CYP4F22: variants seen among roughly 807,000 people sequenced by gnomAD.
CYP4F22 encodes cytochrome P450 family 4 subfamily F member 22.
A neutral mutation model predicts 60.4 loss-of-function variants in CYP4F22; 37 were observed. The ratio of observed to expected loss-of-function variants is 0.61; its 90% CI spans 0.47 to 0.81. The LOEUF is 0.81. Among genes scored for constraint, CYP4F22 ranks in the 30% least tolerant of loss-of-function variants. CYP4F22 has a pLI of 0.00. For synonymous variants in CYP4F22, 258 were observed against 280.5 expected, an observed-to-expected ratio of 0.92 and a Z score of 0.80; for missense variants, 655 against 715.0, an observed-to-expected ratio of 0.92 and a Z score of 0.96.
rs1971447042 is a variant in CYP4F22 at position 15,540,587 on chromosome 19, T to C, written c.809T>C (p.Met270Thr). 3.1e-6 allele frequency: 5 copies of C among 1,614,224 alleles called. No homozygotes were observed. The highest frequency in any genetic ancestry group is 3.4e-6 in the Non-Finnish European group (4 of 1,180,044). ...CGGAGGTTCCGGCAGGCCTGTGACA[T>C]GGTGCACCACTTCACCACTGAAGTC... is the stretch of plus-strand genomic sequence containing the variant. Reference protein sequence around the residue: ...DGRRFRQACDMVHHFTTEVIQ... With the variant: ...DGRRFRQACDTVHHFTTEVIQ... The change falls in exon 8 of 14, where the codon ATG becomes ACG. Residue 270 changes from methionine (M) to threonine (T), a missense_variant. Physicochemically the swap from Met to Thr is moderately conservative, Grantham distance 81. Coordinates refer to ENST00000269703, the MANE Select transcript of CYP4F22 (RefSeq NM_173483.4).
intron 10 of CYP4F22, 89 bp downstream of exon 10, chr19:15,544,368 A>C (rs933138219): frequency 1.3e-5 from 19 of 1,482,716 alleles, no homozygotes; most frequent in South Asian, 3.7e-5. Flanking sequence ...TGATTGTGTG[A>C]CCTCAGACAA....
chr19:15,537,256 G>C, intron 4 of CYP4F22, 105 bp from the exon 5 acceptor site: 2 of 1,436,986 alleles, frequency 1.4e-6, no homozygotes, highest in Non-Finnish European at 1.9e-6. Context: ...AGTGGAGATC[G>C]CACCACTGCA....
At chr19:15,517,028 C>T (rs901241371) in intron 1 of CYP4F22, among the ~76,000 whole-genome samples, 1 of 152,034 alleles carries the variant, frequency 6.6e-6, no homozygotes, top group African/African-American at 2.4e-5. Context: ...GCCATGTTGG[C>T]CAGGCTGGTC....
Position 15,529,721 on chromosome 19 carries a change from G to T in CYP4F22, c.235G>T (p.Glu79Ter). The change falls in exon 4 of 14, where the codon GAG becomes TAG. Residue 79 changes from glutamate to a stop codon, truncating the protein, a stop_gained. Transcript: ENST00000269703. LOFTEE classifies it high-confidence loss of function. Reference protein sequence around the residue: ...LGHLGMYLPNEAGLQDEKKVL... With the variant: ...LGHLGMYLPN ...TTACCTCTTGCAGTACCTTCCAAAT[G>T]AGGCGGGCCTTCAAGATGAGAAGAA... The T allele has an allele frequency of 6.2e-7, 1 of 1,614,108 alleles. No homozygotes were observed.
intron 1 of CYP4F22, among the ~76,000 whole-genome samples, chr19:15,518,016 A>G (rs1160573520): frequency 6.6e-6 from 1 of 152,134 alleles, no homozygotes; most frequent in Non-Finnish European, 1.5e-5. Flanking sequence ...GGGGTAAGCC[A>G]TGTAGGTTGT....
intron 13 of CYP4F22, 25 bp downstream of exon 13, chr19:15,550,781 C>T: frequency 6.2e-7 from 1 of 1,611,824 alleles, no homozygotes; most frequent in Non-Finnish European, 8.5e-7. Flanking sequence ...TCCCCTAGTC[C>T]AAGCCAGCTG....
chr19:15,550,322 CA>C (rs201160347), intron 12 of CYP4F22, among the ~76,000 whole-genome samples: 5 of 150,328 alleles, frequency 3.3e-5, no homozygotes, highest in African/African-American at 9.8e-5. Flanking sequence ...GACAAACAAA[CA>C]AAAAAAAAGA....
intron 10 of CYP4F22, among the ~76,000 whole-genome samples, 195 bp downstream of exon 10, chr19:15,544,474 G>A (rs143844372): frequency 0.015 from 2,307 of 152,308 alleles, 20 homozygotes; most frequent in Non-Finnish European, 0.024. Context: ...TTCTCAAAGT[G>A]TCCTAGTCAG....
chr19:15,537,296 G>A (rs906386493), intron 4 of CYP4F22, 65 bp from the exon 5 acceptor site: 25 of 1,586,182 alleles, frequency 1.6e-5, no homozygotes, highest in African/African-American at 1.5e-4. Context: ...GCAAGACTCC[G>A]TAAAAAAAAA....
chr19:15,511,848 G>A (rs1971096056), intron 1 of CYP4F22, among the ~76,000 whole-genome samples: 1 of 152,224 alleles, frequency 6.6e-6, no homozygotes, highest in Non-Finnish European at 1.5e-5. Context: ...GTGGGTGAAC[G>A]GCTGGGCCAA....
chr19:15,530,914 G>A (rs1263540799), intron 4 of CYP4F22, among the ~76,000 whole-genome samples: 5 of 152,082 alleles, frequency 3.3e-5, no homozygotes, highest in Non-Finnish European at 2.9e-5. Flanking sequence ...GAGGTATCGG[G>A]ACATCTGAGA....
intron 3 of CYP4F22, among the ~76,000 whole-genome samples, chr19:15,529,128 A>G (rs924490896): frequency 9.1e-5 from 3 of 33,134 alleles, no homozygotes; most frequent in Admixed American, 3.3e-4. Context: ...TTCTTATTTT[A>G]TTTTATTTTT....
chr19:15,549,021 A>C, intron 11 of CYP4F22, 117 bp from the exon 12 acceptor site: 1 of 1,082,780 alleles, frequency 9.2e-7, no homozygotes, highest in Non-Finnish European at 1.4e-6. Flanking sequence ...GATGGACAGA[A>C]GGTGGTGGCA....
At chr19:15,524,898 G>A (rs559700261) in intron 2 of CYP4F22, among the ~76,000 whole-genome samples, 73 of 152,268 alleles carry the variant, frequency 4.8e-4, no homozygotes, top group Non-Finnish European at 7.9e-4. Flanking sequence ...TTCCACTGTG[G>A]GCAGCTGGAG....
At chr19:15,529,916 C>T in intron 4 of CYP4F22, 63 bp downstream of exon 4, 2 of 1,606,630 alleles carry the variant, frequency 1.2e-6, no homozygotes, top group Non-Finnish European at 1.7e-6. Context: ...ATCTGAGATT[C>T]TAGGCAGGTG....
intron 1 of CYP4F22, among the ~76,000 whole-genome samples, chr19:15,511,775 G>C (rs920722247): frequency 6.6e-6 from 1 of 152,020 alleles, no homozygotes; most frequent in South Asian, 2.1e-4. Flanking sequence ...ACCTGGCGTC[G>C]GCCTGGGTCC....
At chr19:15,528,515 G>A (rs1023798609) in intron 3 of CYP4F22, among the ~76,000 whole-genome samples, 15 of 152,110 alleles carry the variant, frequency 9.9e-5, no homozygotes, top group Admixed American at 2.6e-4. Flanking sequence ...CAGTGGGACC[G>A]AGCCCTGGTT....
intron 7 of CYP4F22, among the ~76,000 whole-genome samples, chr19:15,539,806 A>G (rs916384884): frequency 1.3e-5 from 2 of 152,126 alleles, no homozygotes; most frequent in African/African-American, 4.8e-5. Context: ...AACACTTGTT[A>G]TTATAAGTTT....
intron 10 of CYP4F22, 116 bp downstream of exon 10, chr19:15,544,395 G>A (rs1385468408): frequency 3.9e-6 from 5 of 1,268,086 alleles, no homozygotes; most frequent in Non-Finnish European, 5.6e-6. Flanking sequence ...TTAGCTTCCT[G>A]AATTGCAATT....
Sources: allele counts gnomAD v4.1 joint callset (sites outside exome capture counted in the v4.1 genomes callset), GRCh38; gene constraint gnomAD v4.1.1; transcripts MANE v1.5; gene names NCBI Gene and HGNC (gene_info 2026-07-23, HGNC 2026-07-21).